Variants in CSMD1 observed in about 807,000 individuals in gnomAD.
CSMD1 encodes CUB and Sushi multiple domains 1, also known as CUB and sushi domain-containing protein 1.
A neutral mutation model predicts 417.5 loss-of-function variants in CSMD1; 213 were observed. The observed-to-expected ratio is 0.51, with a 90% CI of 0.46 to 0.57. CSMD1 has a LOEUF of 0.57. Ranked by LOEUF, CSMD1 falls within the 20% of genes least tolerant of loss-of-function variation. CSMD1 has a pLI of 0.00. For synonymous variants in CSMD1, 2,862 were observed against 1,736.8 expected (o/e 1.65, Z -16.11); for missense variants, 6,923 against 4,529.7 (o/e 1.53, Z -15.17).
chr8:2,940,613 C>G (rs1482675313), intron 69 of CSMD1, among the ~76,000 whole-genome samples: 1 of 152,182 alleles, frequency 6.6e-6, no homozygotes, highest in Non-Finnish European at 1.5e-5. Context: ...TAAGGTTTAA[C>G]GACTAAAACT....
rs143805120 is a variant in CSMD1, at chr8:4,294,947, T to C, written c.415+125006A>G. 2.6e-3 allele frequency among the ~76,000 whole-genome samples: 401 copies of C among 151,350 alleles called. 3 individuals carry two copies. The highest frequency in any genetic ancestry group is 9.9e-3 in the Admixed American group (150 of 15,142). On this transcript the variant is annotated intron_variant, in intron 3 of 69. Coordinates refer to ENST00000635120, the MANE Select transcript of CSMD1 (RefSeq NM_033225.6). ...TGGTCCTATTCTCTCTTCTTTCAGG[T>C]AAAGTGCCAAGGATATTTTTCTTAT...
chr8:3,185,148 C>T (rs1392747537), intron 36 of CSMD1, among the ~76,000 whole-genome samples: 1 of 152,224 alleles, frequency 6.6e-6, no homozygotes, highest in African/African-American at 2.4e-5. Flanking sequence ...GCCCCGAGGG[C>T]TTGCAGCTGA....
intron 12 of CSMD1, among the ~76,000 whole-genome samples, chr8:3,437,678 T>C (rs1451556930): frequency 1.3e-5 from 2 of 152,196 alleles, no homozygotes; most frequent in African/African-American, 4.8e-5. Flanking sequence ...TTTCCCTTTC[T>C]AATCACAGTC....
rs936767063 is a variant in CSMD1, at chr8:4,708,024, G to A, written c.86-70466C>T. 2.0e-5 allele frequency among the ~76,000 whole-genome samples: 3 copies of A among 151,730 alleles called. No homozygotes were observed. In the South Asian group the frequency reaches 6.2e-4, roughly 32 times the overall value. On this transcript the variant is annotated intron_variant, in intron 1 of 69. Transcript: ENST00000635120. Reference sequence around the variant, plus strand: ...AGTGACATGAACATAGCTCACTGCAGCCTCAAACTCCTTGGCTCAAGTGAT... The same window carrying A: ...AGTGACATGAACATAGCTCACTGCAACCTCAAACTCCTTGGCTCAAGTGAT...
intron 4 of CSMD1, among the ~76,000 whole-genome samples, chr8:4,004,692 G>C (rs1329567637): frequency 6.6e-6 from 1 of 151,986 alleles, no homozygotes; most frequent in African/African-American, 2.4e-5. Context: ...CAGCTGGTTA[G>C]GTTACAAAGT....
chr8:4,840,626 G>GT (rs1800787563), intron 1 of CSMD1, among the ~76,000 whole-genome samples: 1 of 152,144 alleles, frequency 6.6e-6, no homozygotes, highest in African/African-American at 2.4e-5. Flanking sequence ...TTACATTACC[G>GT]AATGAGCATT....
At chr8:3,710,981 G>A (rs1427023366) in intron 6 of CSMD1, among the ~76,000 whole-genome samples, 1 of 152,150 alleles carries the variant, frequency 6.6e-6, no homozygotes, top group Non-Finnish European at 1.5e-5. Flanking sequence ...CTGTGCTTCT[G>A]TATCATGCCT....
intron 4 of CSMD1, among the ~76,000 whole-genome samples, chr8:4,020,993 T>C (rs1460947093): frequency 6.6e-6 from 1 of 152,210 alleles, no homozygotes; most frequent in Admixed American, 6.5e-5. Context: ...TCAGTCTTTA[T>C]GATTAAACTG....
At chr8:4,681,723 A>T (rs1806064096) in intron 1 of CSMD1, among the ~76,000 whole-genome samples, 1 of 152,192 alleles carries the variant, frequency 6.6e-6, no homozygotes, top group Non-Finnish European at 1.5e-5. Flanking sequence ...TTAACAAAAA[A>T]GAAGCCTAGA....
chr8:4,568,397 T>A lies in CSMD1; in HGVS notation c.302+68945A>T, dbSNP rs182630833. On this transcript the variant is annotated intron_variant, in intron 2 of 69. Transcript: ENST00000635120. ...TTGTTTCGTTTTCTGTTTCTGTGTC[T>A]TTACTGAGAATGGTTTCCAGCTTCA... is the stretch of plus-strand genomic sequence containing the variant. Among the ~76,000 whole-genome samples, 7 of 152,274 alleles carry A rather than the reference T, an allele frequency of 4.6e-5. No individual in the cohort carries two copies. The East Asian group carries it at 1.4e-3, about 29-fold the overall frequency.
intron 3 of CSMD1, among the ~76,000 whole-genome samples, chr8:4,196,833 T>A (rs187678415): frequency 1.2e-3 from 181 of 152,040 alleles, no homozygotes; most frequent in African/African-American, 4.2e-3. Flanking sequence ...ACACTGGGGG[T>A]GATATTTAGC....
intron 2 of CSMD1, among the ~76,000 whole-genome samples, chr8:4,433,850 G>T (rs1251763199): frequency 6.6e-6 from 1 of 152,060 alleles, no homozygotes; most frequent in Non-Finnish European, 1.5e-5. Context: ...AAAAAAGACT[G>T]GAATCTAAAG....
chr8:4,772,900 G>A (rs1053728467), intron 1 of CSMD1, among the ~76,000 whole-genome samples: 6 of 152,098 alleles, frequency 3.9e-5, no homozygotes, highest in Admixed American at 1.3e-4. Context: ...GATGAATAAC[G>A]TAAGAAATTG....
intron 11 of CSMD1, among the ~76,000 whole-genome samples, chr8:3,490,585 T>C (rs1440926467): frequency 6.6e-6 from 1 of 152,210 alleles, no homozygotes; most frequent in African/African-American, 2.4e-5. Context: ...TTCATTTTTC[T>C]ATTTCCCACA....
chr8:3,612,133 A>T (rs1016219900), intron 8 of CSMD1, among the ~76,000 whole-genome samples: 1 of 152,164 alleles, frequency 6.6e-6, no homozygotes, highest in African/African-American at 2.4e-5. Context: ...ACTAACAATA[A>T]TTCAAAGAAA....
At position 4,043,483 on chromosome 8, in the gene CSMD1, C is replaced by CA. The variant is rs543437830; in HGVS notation, c.416-11385dup. On this transcript the variant is annotated intron_variant, in intron 3 of 69. Transcript: ENST00000635120. ...AATACACCCAGTGTTATGTTGTCTT[C>CA]AAAAAAAAGTATTTTAAATACAAAC... Among the ~76,000 whole-genome samples the CA allele has an allele frequency of 5.6e-3, 852 of 151,560 alleles. 3 individuals carry two copies. Among genetic ancestry groups the CA allele is most frequent in the African/African-American group, 0.013 (546 of 41,386 alleles).
At position 3,950,945 on chromosome 8, in the gene CSMD1, G is replaced by A. The variant is rs576025645; in HGVS notation, c.818+46958C>T. On this transcript the variant is annotated intron_variant, in intron 5 of 69. Transcript: ENST00000635120. ...TTCATAATAAGCCCTGAACAGACAA[G>A]AAGAAAAAACGATTCTTTTCATCAC... Among the ~76,000 whole-genome samples the A allele has an allele frequency of 1.1e-4, 17 of 152,076 alleles. No individual in the cohort carries two copies. In the East Asian group the frequency reaches 2.9e-3, roughly 26 times the overall value.
chr8:3,517,036 G>C (rs1012510182), intron 10 of CSMD1, among the ~76,000 whole-genome samples: 3 of 152,160 alleles, frequency 2.0e-5, no homozygotes, highest in African/African-American at 7.2e-5. Context: ...GAGCTGGTGT[G>C]GTGTCAGATC....
intron 26 of CSMD1, among the ~76,000 whole-genome samples, chr8:3,268,487 C>T (rs1183460306): frequency 1.3e-5 from 2 of 151,776 alleles, no homozygotes; most frequent in Non-Finnish European, 2.9e-5. Flanking sequence ...GACAGGGTTT[C>T]ACCGTGTTAG....
Sources: gnomAD v4.1 joint callset for allele counts (sites outside exome capture counted in the v4.1 genomes callset) on GRCh38, gnomAD v4.1.1 for gene constraint, MANE v1.5 for transcripts, NCBI Gene and HGNC (gene_info 2026-07-23, HGNC 2026-07-21) for gene names.